The following XKR4 variants were observed in gnomAD, a reference collection of about 807,000 sequenced individuals.
XKR4 encodes the protein XK-related protein 4.
In XKR4, 12 loss-of-function variants were observed where a neutral mutation model predicts 53.9. The ratio of observed to expected loss-of-function variants is 0.22; its 90% CI spans 0.14 to 0.36. XKR4 has a LOEUF of 0.36. XKR4 is among the 10% of genes least tolerant of loss of function. XKR4 has a pLI of 1.00. For synonymous variants in XKR4, 354 were observed against 362.4 expected, an observed-to-expected ratio of 0.98 and a Z score of 0.26; for missense variants, 799 against 859.5, an observed-to-expected ratio of 0.93 and a Z score of 0.88.
In XKR4 at chr8:55,436,154, C is replaced by A. The variant is rs1168849772; in HGVS notation, c.1006+78277C>A. 5.3e-5 allele frequency among the ~76,000 whole-genome samples: 8 copies of A among 152,162 alleles called. No individual in the cohort carries two copies. The East Asian group carries it at 1.5e-3, about 29-fold the overall frequency. On this transcript the variant is annotated intron_variant, in intron 2 of 2. Coordinates refer to ENST00000327381, the MANE Select transcript of XKR4 (RefSeq NM_052898.2). ...CTTATGATTGGGTTTCAAAGTGAAC[C>A]ATATAATATATTCAATGAGGAACAT...
chr8:55,473,457 A>G (rs778143385), intron 2 of XKR4, among the ~76,000 whole-genome samples: 26 of 152,176 alleles, frequency 1.7e-4, no homozygotes, highest in Non-Finnish European at 3.4e-4. Flanking sequence ...TAGAATGTCA[A>G]GATAACTTGA....
In XKR4 at chr8:55,102,373, G is replaced by GGGGGAGCCGCACCGCCTGGGA. The variant is rs1816055594; in HGVS notation, c.-112_-92dup. ...GCGAGCCGACGCAGGAGCAGGAGGA[G>GGGGGAGCCGCACCGCCTGGGA]GGGGAGCCGCACCGCCTGGGAGGGA... On this transcript the variant is annotated 5_prime_UTR_variant, in exon 1 of 3. Coordinates refer to ENST00000327381, the MANE Select transcript of XKR4 (RefSeq NM_052898.2). The surrounding 1 kb of genome is among the most constrained non-coding windows in gnomAD (Gnocchi z 5.1). The GGGGGAGCCGCACCGCCTGGGA allele has an allele frequency of 3.9e-6, 5 of 1,274,494 alleles. No homozygotes were observed. The highest frequency in any genetic ancestry group is 5.0e-6 in the Non-Finnish European group (5 of 994,054). 78.9% of individuals were successfully genotyped at this position (1,274,494 alleles called of 1,614,324 possible).
intron 1 of XKR4, among the ~76,000 whole-genome samples, chr8:55,252,550 A>G (rs1013599767): frequency 1.3e-5 from 2 of 152,226 alleles, no homozygotes; most frequent in African/African-American, 4.8e-5. Flanking sequence ...TAGATGGGAA[A>G]TTAGGAGTTG....
chr8:55,313,537 T>TGA (rs971984330), intron 1 of XKR4, among the ~76,000 whole-genome samples: 2 of 152,052 alleles, frequency 1.3e-5, no homozygotes, highest in East Asian at 1.9e-4. Flanking sequence ...CCCAAGATGC[T>TGA]GAGAGAGAGA....
intron 2 of XKR4, among the ~76,000 whole-genome samples, chr8:55,437,411 A>G (rs1805192286): frequency 6.6e-6 from 1 of 152,142 alleles, no homozygotes; most frequent in Non-Finnish European, 1.5e-5. Context: ...ATCAGGGTTA[A>G]GTAGAGATAC....
At chr8:55,232,366 A>G (rs1818053791) in intron 1 of XKR4, among the ~76,000 whole-genome samples, 1 of 152,228 alleles carries the variant, frequency 6.6e-6, no homozygotes, top group South Asian at 2.1e-4. Flanking sequence ...GGAGCAAGCT[A>G]TATATTCACA....
intron 1 of XKR4, among the ~76,000 whole-genome samples, chr8:55,335,663 G>A (rs1007427013): frequency 3.3e-5 from 5 of 152,180 alleles, no homozygotes; most frequent in Admixed American, 2.6e-4. Flanking sequence ...CAAAAGCCTG[G>A]AGACAATCCA....
chr8:55,324,329 C>T (rs867549428), intron 1 of XKR4, among the ~76,000 whole-genome samples: 1 of 152,334 alleles, frequency 6.6e-6, no homozygotes, highest in East Asian at 1.9e-4. Context: ...ATCACAGGCT[C>T]AAGCAATCCA....
At chr8:55,129,762 G>T (rs538804369) in intron 1 of XKR4, among the ~76,000 whole-genome samples, 1 of 152,276 alleles carries the variant, frequency 6.6e-6, no homozygotes, top group East Asian at 1.9e-4. Flanking sequence ...TAGTTGAAAA[G>T]GGTGAGGGAG....
Position 55,539,440 on chromosome 8 carries a change from A to G in XKR4, c.*15213A>G, listed in dbSNP as rs935319921. 8.5e-5 allele frequency: 13 copies of G among 152,202 alleles called. No homozygotes were observed. Among genetic ancestry groups the G allele is most frequent in the African/African-American group, 3.1e-4 (13 of 41,452 alleles). 9.4% of individuals were successfully genotyped at this position (152,202 alleles called of 1,614,324 possible). ...TGGAGCTGACATAAGATACGCACTC[A>G]ATATAATCTCTTCTGGATTCTAAAA... On this transcript the variant is annotated 3_prime_UTR_variant, in exon 3 of 3. Transcript: ENST00000327381.
intron 1 of XKR4, among the ~76,000 whole-genome samples, chr8:55,324,442 A>G (rs989874799): frequency 6.6e-6 from 1 of 152,162 alleles, no homozygotes; most frequent in South Asian, 2.1e-4. Flanking sequence ...TGGTTCTTGA[A>G]TGTCATGTAA....
chr8:55,437,486 C>T (rs73591664), intron 2 of XKR4, among the ~76,000 whole-genome samples: 1,774 of 152,306 alleles, frequency 0.012, 31 homozygotes, highest in African/African-American at 0.033. Flanking sequence ...AGGCTTCCCT[C>T]ACTCTAATTA....
At chr8:55,419,416 G>C (rs1352142865) in intron 2 of XKR4, among the ~76,000 whole-genome samples, 2 of 152,158 alleles carry the variant, frequency 1.3e-5, no homozygotes, top group Non-Finnish European at 2.9e-5. Context: ...CACCTCATTG[G>C]TATTCCAATG....
At chr8:55,404,859 T>C (rs1705203448) in intron 2 of XKR4, among the ~76,000 whole-genome samples, 1 of 152,156 alleles carries the variant, frequency 6.6e-6, no homozygotes. Flanking sequence ...GTACAAAGTG[T>C]GTTTGGATTC....
At position 55,102,627 on chromosome 8, in the gene XKR4, G is replaced by A. The variant is rs374108094; in HGVS notation, c.139G>A (p.Glu47Lys). 3.5e-5 allele frequency: 49 copies of A among 1,394,978 alleles called. 1 individual carries two copies. The African/African-American group carries it at 6.5e-4, about 18-fold the overall frequency. The allele number at this position is 1,394,978 out of a possible 1,614,324, so 86.4% of individuals were successfully genotyped here. The change falls in exon 1 of 3, where the codon GAG becomes AAG. Residue 47 changes from glutamate (E) to lysine (K), a missense_variant. Around this residue, in one of 3 missense-constraint regions of XKR4, gnomAD observed 476 missense variants for 505.4 expected, o/e 0.94. Coordinates refer to ENST00000327381, the MANE Select transcript of XKR4 (RefSeq NM_052898.2). This position sits in a 1 kb window ranked among gnomAD's most constrained non-coding sequence, Gnocchi z 5.1. ...GCCGTCGGGGTCGGGAGCCGAGGAC[G>A]AGGAGGCGGCCGGGGGCGGCTGCTG... Reference protein sequence around the residue: ...GLPSGSGAEDEEAAGGGCCPD... With the variant: ...GLPSGSGAEDKEAAGGGCCPD...
chr8:55,405,777 A>G (rs1435026615), intron 2 of XKR4, among the ~76,000 whole-genome samples: 1 of 152,218 alleles, frequency 6.6e-6, no homozygotes, highest in Non-Finnish European at 1.5e-5. Context: ...CCTTATCAAA[A>G]CAGAGACATT....
In XKR4 at chr8:55,526,012, TC is replaced by T. The variant is rs1806877460; in HGVS notation, c.*1788del. ...GGGCTTGTCAAGACTGGCCAATGTT[TC>T]CCAGGAAATCAAAGATGTAAATGAT... On this transcript the variant is annotated 3_prime_UTR_variant, in exon 3 of 3. Transcript: ENST00000327381. The T allele has an allele frequency of 6.6e-6, 1 of 152,594 alleles. No homozygotes were observed. The highest frequency in any genetic ancestry group is 2.4e-5 in the African/African-American group (1 of 41,424). The allele number at this position is 152,594 out of a possible 1,614,324, so 9.5% of individuals were successfully genotyped here. A position where few individuals can be genotyped will look rare whatever the true frequency, so the allele number is the denominator to read the frequency against.
intron 1 of XKR4, among the ~76,000 whole-genome samples, chr8:55,307,386 C>T (rs919095060): frequency 6.6e-6 from 1 of 152,282 alleles, no homozygotes; most frequent in East Asian, 1.9e-4. Context: ...GTGGCTCACA[C>T]CTGTAATAAT....
At chr8:55,439,000 G>A (rs939802927) in intron 2 of XKR4, among the ~76,000 whole-genome samples, 3 of 152,134 alleles carry the variant, frequency 2.0e-5, no homozygotes, top group South Asian at 2.1e-4. Context: ...CTAGGACGGG[G>A]GTGAGGGGTT....
Sources: gnomAD v4.1 joint callset for allele counts (sites outside exome capture counted in the v4.1 genomes callset) on GRCh38, gnomAD v4.1.1 for gene constraint, gnomAD v4.1.1 regional missense constraint, Gnocchi (gnomAD v3.1) non-coding constraint, MANE v1.5 for transcripts, NCBI Gene and HGNC (gene_info 2026-07-23, HGNC 2026-07-21) for gene names.